SNTG1: variants seen among roughly 807,000 people sequenced by gnomAD.
SNTG1 encodes the protein syntrophin gamma 1.
SNTG1 carries 39 observed loss-of-function variants against 74.7 expected under a neutral mutation model. The observed-to-expected ratio is 0.52, with a 90% confidence interval of 0.40 to 0.68. SNTG1 has a LOEUF of 0.68. Among genes scored for constraint, SNTG1 ranks in the 30% least tolerant of loss-of-function variants. SNTG1 has a pLI of 0.00. For synonymous variants in SNTG1, 254 were observed against 217.1 expected, an observed-to-expected ratio of 1.17 and a Z score of -1.49; for missense variants, 685 against 609.5, an observed-to-expected ratio of 1.12 and a Z score of -1.30.
chr8:50,260,516 CACACACACACAG>C (rs2087130991), intron 2 of SNTG1, among the ~76,000 whole-genome samples: 1 of 142,224 alleles, frequency 7.0e-6, no homozygotes, highest in Admixed American at 7.1e-5. Flanking sequence ...TTTTAACACA[CACACACACACAG>C]ACACACACAC....
intron 1 of SNTG1, among the ~76,000 whole-genome samples, chr8:49,930,635 G>A (rs1359684408): frequency 2.0e-5 from 3 of 151,802 alleles, no homozygotes; most frequent in Non-Finnish European, 4.4e-5. Flanking sequence ...TTGAAACCAG[G>A]AACACAGTAA....
intron 1 of SNTG1, among the ~76,000 whole-genome samples, chr8:49,948,024 A>G (rs764115161): frequency 1.3e-4 from 20 of 152,020 alleles, no homozygotes; most frequent in Non-Finnish European, 2.9e-4. Flanking sequence ...CCAGTTACTC[A>G]GGAAACTGAG....
intron 1 of SNTG1, among the ~76,000 whole-genome samples, chr8:50,014,095 G>T (rs927358819): frequency 1.3e-5 from 2 of 152,096 alleles, no homozygotes; most frequent in Non-Finnish European, 2.9e-5. Flanking sequence ...GTTTTAAGTT[G>T]GTGCTATCCC....
At chr8:50,575,805 A>C (rs1160310721) in intron 12 of SNTG1, 2 of 152,186 alleles carry the variant, frequency 1.3e-5, no homozygotes, top group African/African-American at 4.8e-5. Context: ...ATTTCTGGAA[A>C]TTTCTAAAAA....
Position 50,310,923 on chromosome 8 carries a change from A to G in SNTG1, c.-27-83289A>G, listed in dbSNP as rs145234377. Among the ~76,000 whole-genome samples the G allele has an allele frequency of 6.0e-3, 913 of 152,274 alleles. 6 individuals are homozygous for G. Among genetic ancestry groups the G allele is most frequent in the Non-Finnish European group, 0.01 (705 of 68,020 alleles). ...CTAAATGGGGTCTTACAGTTAATCT[A>G]TTTCAGCGTTCAATTGCCACCTCCT... is the stretch of plus-strand genomic sequence containing the variant. On this transcript the variant is annotated intron_variant, in intron 2 of 18. Coordinates refer to ENST00000642720, the MANE Select transcript of SNTG1 (RefSeq NM_018967.5).
chr8:50,699,483 C>A (rs1400610535), intron 15 of SNTG1, among the ~76,000 whole-genome samples: 2 of 151,366 alleles, frequency 1.3e-5, no homozygotes, highest in Non-Finnish European at 2.9e-5. Flanking sequence ...GATGAAGTAC[C>A]CTGGAAAAGC....
chr8:50,004,614 C>T (rs1433693515), intron 1 of SNTG1, among the ~76,000 whole-genome samples: 1 of 152,156 alleles, frequency 6.6e-6, no homozygotes, highest in Non-Finnish European at 1.5e-5. Flanking sequence ...AGAAAAATTG[C>T]TTCAGTAGCA....
intron 1 of SNTG1, among the ~76,000 whole-genome samples, chr8:50,128,469 T>G (rs1282927509): frequency 6.6e-6 from 1 of 152,144 alleles, no homozygotes; most frequent in Admixed American, 6.6e-5. Context: ...GCAAAGATGC[T>G]AAAATTTGTA....
intron 9 of SNTG1, among the ~76,000 whole-genome samples, chr8:50,511,680 T>G (rs927150931): frequency 6.6e-6 from 1 of 152,214 alleles, no homozygotes; most frequent in African/African-American, 2.4e-5. Context: ...TGGCCTTCTT[T>G]GTCTCTTTTC....
chr8:50,749,123 A>G (rs114935300), intron 17 of SNTG1, among the ~76,000 whole-genome samples: 223 of 152,180 alleles, frequency 1.5e-3, no homozygotes, highest in African/African-American at 5.1e-3. Context: ...GAAATGTAAT[A>G]CTGCTACTCC....
chr8:50,411,883 G>T (rs2092953673), intron 4 of SNTG1, among the ~76,000 whole-genome samples: 1 of 152,120 alleles, frequency 6.6e-6, no homozygotes, highest in South Asian at 2.1e-4. Flanking sequence ...CACAGTTGTA[G>T]TCAGCCTGTG....
At chr8:50,145,728 A>G (rs1032346459) in intron 1 of SNTG1, among the ~76,000 whole-genome samples, 1 of 152,170 alleles carries the variant, frequency 6.6e-6, no homozygotes, top group African/African-American at 2.4e-5. Context: ...CAAAATAACA[A>G]ATTTCCTTAT....
chr8:50,574,945 G>A (rs2094568663), intron 12 of SNTG1, among the ~76,000 whole-genome samples: 1 of 152,078 alleles, frequency 6.6e-6, no homozygotes, highest in African/African-American at 2.4e-5. Flanking sequence ...GGCCCTTATT[G>A]GTTAAGATCA....
At chr8:50,583,334 G>A (rs540974741) in intron 12 of SNTG1, among the ~76,000 whole-genome samples, 31 of 150,100 alleles carry the variant, frequency 2.1e-4, no homozygotes, top group South Asian at 8.4e-4. Context: ...CCTGGGAGGC[G>A]GAGGCTGGAG....
chr8:50,674,649 T>C (rs745481702), intron 15 of SNTG1, among the ~76,000 whole-genome samples: 2 of 152,052 alleles, frequency 1.3e-5, no homozygotes, highest in African/African-American at 2.4e-5. Context: ...GGAGGGATTT[T>C]GTGTCTCTAT....
intron 1 of SNTG1, among the ~76,000 whole-genome samples, chr8:50,072,712 C>T (rs1406410164): frequency 6.6e-6 from 1 of 152,066 alleles, no homozygotes; most frequent in Non-Finnish European, 1.5e-5. Flanking sequence ...ACTAAAATAG[C>T]AAAGCTAACA....
chr8:49,996,631 A>C (rs1385785760), intron 1 of SNTG1, among the ~76,000 whole-genome samples: 1 of 152,192 alleles, frequency 6.6e-6, no homozygotes, highest in Non-Finnish European at 1.5e-5. Flanking sequence ...ACCAATTGCC[A>C]GTCCAAATGT....
chr8:50,429,856 G>T (rs2093211844), intron 4 of SNTG1, among the ~76,000 whole-genome samples: 2 of 151,996 alleles, frequency 1.3e-5, no homozygotes, highest in African/African-American at 4.8e-5. Flanking sequence ...TATATAAATG[G>T]TAAGCAAATG....
intron 8 of SNTG1, among the ~76,000 whole-genome samples, chr8:50,485,205 G>A (rs1188632150): frequency 6.6e-6 from 1 of 152,142 alleles, no homozygotes; most frequent in South Asian, 2.1e-4. Flanking sequence ...CAGGTTGTGT[G>A]GGCAGGGTTG....
Sources: allele counts gnomAD v4.1 joint callset (sites outside exome capture counted in the v4.1 genomes callset), GRCh38; gene constraint gnomAD v4.1.1; transcripts MANE v1.5; gene names NCBI Gene and HGNC (gene_info 2026-07-23, HGNC 2026-07-21).